ACSS1: variants seen among roughly 807,000 people sequenced by gnomAD.
The protein encoded by ACSS1 is acetyl-coenzyme A synthetase 2-like, mitochondrial.
In ACSS1, 42 loss-of-function variants were observed where a neutral mutation model predicts 75.3. The observed-to-expected ratio is 0.56, with a 90% CI of 0.44 to 0.72. The LOEUF is 0.72. Among genes scored for constraint, ACSS1 ranks in the 30% least tolerant of loss-of-function variants. The probability of loss-of-function intolerance (pLI) is 0.00; values close to 1 mark genes in which losing one functional copy is unlikely to be tolerated. For missense variants in ACSS1, 782 were observed against 935.7 expected, an observed-to-expected ratio of 0.84 and a Z score of 2.14; for synonymous variants, 380 against 376.8, an observed-to-expected ratio of 1.01 and a Z score of -0.10.
At chr20:25,038,659 T>C (rs1016656050) in intron 2 of ACSS1, among the ~76,000 whole-genome samples, 1 of 152,154 alleles carries the variant, frequency 6.6e-6, no homozygotes, top group Admixed American at 6.5e-5. Flanking sequence ...AGCCCTCACC[T>C]GCACAGCCTG....
chr20:25,051,170 G>A (rs56051411), intron 1 of ACSS1, among the ~76,000 whole-genome samples: 8,968 of 152,178 alleles, frequency 0.059, 286 homozygotes, highest in Non-Finnish European at 0.067. Flanking sequence ...AGCCCAAGGC[G>A]CTCACTCTCC....
intron 2 of ACSS1, among the ~76,000 whole-genome samples, chr20:25,038,818 T>C (rs1412593471): frequency 6.6e-6 from 1 of 152,134 alleles, no homozygotes; most frequent in Non-Finnish European, 1.5e-5. Flanking sequence ...GGGAAGGCAG[T>C]TCCACCCCAC....
chr20:25,034,436 C>G (rs890531998), intron 2 of ACSS1, among the ~76,000 whole-genome samples: 3 of 152,178 alleles, frequency 2.0e-5, no homozygotes, highest in Non-Finnish European at 2.9e-5. Flanking sequence ...TCCCCAGGTT[C>G]TCTGGTCGAG....
chr20:25,039,356 TTGCCATC>T (rs1373889180), intron 2 of ACSS1, among the ~76,000 whole-genome samples: 12 of 152,228 alleles, frequency 7.9e-5, no homozygotes, highest in Admixed American at 7.9e-4. Context: ...TTCAAAAGAT[TTGCCATC>T]TGCCAATGCT....
intron 3 of ACSS1, among the ~76,000 whole-genome samples, chr20:25,030,236 C>T (rs1776367557): frequency 6.6e-6 from 1 of 152,214 alleles, no homozygotes; most frequent in Admixed American, 6.5e-5. Context: ...ACCATCCAGA[C>T]ACTCAGTCCT....
Position 25,007,311 on chromosome 20 carries a change from G to C in ACSS1, c.*451C>G. 1 of 1,083,990 alleles carries C rather than the reference G, an allele frequency of 9.2e-7. No individual in the cohort carries two copies. The allele number at this position is 1,083,990 out of a possible 1,614,324, so 67.1% of individuals were successfully genotyped here. ...AATCCACACACTACATGTGAGTGTT[G>C]CATGCTGTTCTTCCACAATATAAAA... is the stretch of plus-strand genomic sequence containing the variant. On this transcript the variant is annotated 3_prime_UTR_variant, in exon 14 of 14. Transcript: ENST00000323482.
In ACSS1 at chr20:25,019,190, C is replaced by T. The variant is rs187419417; in HGVS notation, c.1246+820G>A. Among the ~76,000 whole-genome samples, 278 of 152,334 alleles carry T rather than the reference C, an allele frequency of 1.8e-3. 3 individuals carry two copies. Among genetic ancestry groups the T allele is most frequent in the African/African-American group, 6.5e-3 (269 of 41,576 alleles). Reference sequence around the variant, plus strand: ...AAGCCACCAAGCAGGTGGCTGACCACGCGTGACCACACGTCAAGGCAGACA... The same window carrying T: ...AAGCCACCAAGCAGGTGGCTGACCATGCGTGACCACACGTCAAGGCAGACA... On this transcript the variant is annotated intron_variant, in intron 7 of 13. Transcript: ENST00000323482.
chr20:25,056,995 C>T (rs1185900515), intron 1 of ACSS1, among the ~76,000 whole-genome samples: 2 of 152,216 alleles, frequency 1.3e-5, no homozygotes, highest in Admixed American at 6.5e-5. Flanking sequence ...CGACCCCCAG[C>T]CCCAAATCTT....
chr20:25,008,217 G>A (rs1272855946), intron 13 of ACSS1, among the ~76,000 whole-genome samples: 4 of 152,214 alleles, frequency 2.6e-5, no homozygotes, highest in African/African-American at 9.6e-5. Context: ...CGTCTGTCCT[G>A]CCACTGTGCC....
intron 3 of ACSS1, among the ~76,000 whole-genome samples, chr20:25,027,685 G>A (rs745734507): frequency 3.3e-5 from 5 of 150,558 alleles, no homozygotes; most frequent in Admixed American, 2.7e-4. Flanking sequence ...AAAGACTGAA[G>A]CCTTCCCCCT....
rs751856153 is a variant in ACSS1 at position 25,030,888 on chromosome 20, C to T, written c.502G>A (p.Val168Ile). 73 of 1,614,118 alleles carry T rather than the reference C, an allele frequency of 4.5e-5. No homozygotes were observed. The highest frequency in any genetic ancestry group is 5.9e-5 in the Non-Finnish European group (70 of 1,180,052). Residue 168 changes from valine to isoleucine, a missense_variant, in exon 3 of 14, where the codon GTT (valine) becomes ATT (isoleucine). This residue lies in a region of ACSS1 where 377 missense variants were observed against 383.1 expected (regional missense o/e 0.98). Transcript: ENST00000323482. ...GGGGACACGGGCATGTAGATGGCAA[C>T]ACGGTCCCCACGGTGGACTCCATGC... The part of the protein sequence containing the change: ...KRHGVHRGDR[V>I]AIYMPVSPLA...
rs150032942 is a variant in ACSS1 at position 25,046,437 on chromosome 20, T to C, written c.431+1648A>G. On this transcript the variant is annotated intron_variant, in intron 2 of 13. Coordinates refer to ENST00000323482, the MANE Select transcript of ACSS1 (RefSeq NM_032501.4). ...CCGCTACTTAGCACACACTCAGTGC[T>C]CCCACGGGCAGCGTCCAGCCGAGGG... 2,145 of 270,864 alleles carry C rather than the reference T, an allele frequency of 7.9e-3. 54 individuals are homozygous for C. Among genetic ancestry groups the C allele is most frequent in the African/African-American group, 0.044 (1,980 of 45,184 alleles). The allele number at this position is 270,864 out of a possible 1,614,324, so 16.8% of individuals were successfully genotyped here. A position where few individuals can be genotyped will look rare whatever the true frequency, so the allele number is the denominator to read the frequency against.
chr20:25,007,389 C>T lies in ACSS1; in HGVS notation c.*373G>A, dbSNP rs2088326397. 9 of 1,101,346 alleles carry T rather than the reference C, an allele frequency of 8.2e-6. No homozygotes were observed. The highest frequency in any genetic ancestry group is 6.6e-5 in the South Asian group (2 of 30,200). 68.2% of individuals were successfully genotyped at this position (1,101,346 alleles called of 1,614,324 possible). On this transcript the variant is annotated 3_prime_UTR_variant, in exon 14 of 14. Coordinates refer to ENST00000323482, the MANE Select transcript of ACSS1 (RefSeq NM_032501.4). Reference sequence around the variant, plus strand: ...TATCTAGACAGATCTGGAGAAAACACGGTTGCTACTAGCTAACTAGCTCTG... The same window carrying T: ...TATCTAGACAGATCTGGAGAAAACATGGTTGCTACTAGCTAACTAGCTCTG...
At chr20:25,048,664 G>A (rs536823155) in intron 1 of ACSS1, among the ~76,000 whole-genome samples, 2 of 152,342 alleles carry the variant, frequency 1.3e-5, no homozygotes, top group African/African-American at 2.4e-5. Flanking sequence ...GGTTAAAGGT[G>A]CAAGAAGGGA....
In ACSS1 at chr20:25,013,588, G is replaced by T; in HGVS notation, c.1527C>A (p.Thr509=). 6.2e-7 allele frequency: 1 copy of T among 1,609,650 alleles called. No homozygotes were observed. The highest frequency in any genetic ancestry group is 8.5e-7 in the Non-Finnish European group (1 of 1,176,738). The change falls in exon 10 of 14, where the codon ACC becomes ACA. Residue 509 remains threonine, a synonymous_variant. Transcript: ENST00000323482. ...CAAATCGCTGGTGGTCGCCATAGAT[G>T]GTCCTGGCCATGCCCGGCCAGGCCT... ...ISQAWPGMAR[T]IYGDHQRFVD...
At chr20:25,031,192 G>C in intron 2 of ACSS1, 1 of 623,058 alleles carries the variant, frequency 1.6e-6, no homozygotes. Context: ...GGGTGACAAG[G>C]CTATCCTTAA....
intron 2 of ACSS1, among the ~76,000 whole-genome samples, chr20:25,045,717 A>G (rs762896585): frequency 2.0e-5 from 3 of 152,222 alleles, no homozygotes; most frequent in Non-Finnish European, 2.9e-5. Flanking sequence ...AACCAGTGCC[A>G]ATGTCTAGGG....
At chr20:25,013,884 GGA>G in intron 9 of ACSS1, 75 bp downstream of exon 9, 2 of 1,475,670 alleles carry the variant, frequency 1.4e-6, no homozygotes, top group Non-Finnish European at 1.9e-6. Context: ...TGGGCACACA[GGA>G]GAGAGCTGGG....
In ACSS1 at chr20:25,047,955, A is replaced by T. The variant is rs796206318; in HGVS notation, c.431+130T>A. 7 of 677,840 alleles carry T rather than the reference A, an allele frequency of 1.0e-5. No homozygotes were observed. The African/African-American group carries it at 1.3e-4, about 12-fold the overall frequency. 42.0% of individuals were successfully genotyped at this position (677,840 alleles called of 1,614,324 possible). A position where few individuals can be genotyped will look rare whatever the true frequency, so the allele number is the denominator to read the frequency against. On this transcript the variant is annotated intron_variant, in intron 2 of 13. Transcript: ENST00000323482. ...TTGCGTTCACATTTACTTTTCCTGG[A>T]TAAGAGAGCACTTGCAAAGCCAAAA...
Sources: gnomAD v4.1 joint callset for allele counts (sites outside exome capture counted in the v4.1 genomes callset) on GRCh38, gnomAD v4.1.1 for gene constraint, gnomAD v4.1.1 regional missense constraint, MANE v1.5 for transcripts, NCBI Gene and HGNC (gene_info 2026-07-23, HGNC 2026-07-21) for gene names.